BANK1: variants seen among roughly 807,000 people sequenced by gnomAD.
The protein encoded by BANK1 is B-cell scaffold protein with ankyrin repeats.
A neutral mutation model predicts 94.5 loss-of-function variants in BANK1; 95 were observed. The observed-to-expected ratio is 1.00, with a 90% CI of 0.85 to 1.19. The LOEUF (loss-of-function observed/expected upper bound fraction) is 1.19, where lower values mean the gene tolerates loss of function less well. BANK1 is among the 50% of genes most tolerant of loss of function. The pLI is 0.00. For synonymous variants in BANK1, 334 were observed against 308.4 expected, an observed-to-expected ratio of 1.08 and a Z score of -0.87; for missense variants, 987 against 932.2, an observed-to-expected ratio of 1.06 and a Z score of -0.77.
intron 1 of BANK1, among the ~76,000 whole-genome samples, chr4:101,810,006 G>A (rs969503133): frequency 2.0e-5 from 3 of 152,140 alleles, no homozygotes; most frequent in African/African-American, 7.2e-5. Flanking sequence ...GGATTGTCCA[G>A]TTGGGCCCAA....
chr4:101,836,118 T>C (rs1265337736), intron 2 of BANK1, among the ~76,000 whole-genome samples: 2 of 152,178 alleles, frequency 1.3e-5, no homozygotes, highest in Non-Finnish European at 2.9e-5. Flanking sequence ...CATTCTATAT[T>C]CTCCGTAACT....
intron 1 of BANK1, among the ~76,000 whole-genome samples, chr4:101,798,021 A>AAGAT (rs1406836029): frequency 1.3e-5 from 2 of 152,214 alleles, no homozygotes; most frequent in Non-Finnish European, 2.9e-5. Flanking sequence ...AAGGAAAACG[A>AAGAT]AGATACAGTG....
chr4:101,825,002 G>A (rs2148861251), intron 1 of BANK1, among the ~76,000 whole-genome samples: 1 of 152,026 alleles, frequency 6.6e-6, no homozygotes, highest in Middle Eastern at 3.4e-3. Flanking sequence ...GACAAATAAG[G>A]CATTATTGAA....
At chr4:101,905,655 A>G (rs920745993) in intron 6 of BANK1, among the ~76,000 whole-genome samples, 1 of 152,124 alleles carries the variant, frequency 6.6e-6, no homozygotes, top group Non-Finnish European at 1.5e-5. Context: ...ATCCACCCTC[A>G]GTCCTGCCAT....
At chr4:101,961,743 C>T (rs190338896) in intron 7 of BANK1, among the ~76,000 whole-genome samples, 2 of 152,182 alleles carry the variant, frequency 1.3e-5, no homozygotes, top group African/African-American at 2.4e-5. Flanking sequence ...ATGTTCTTTA[C>T]TAAAGAGAGA....
intron 2 of BANK1, among the ~76,000 whole-genome samples, chr4:101,841,510 G>T (rs573351487): frequency 6.6e-6 from 1 of 151,874 alleles, no homozygotes; most frequent in Admixed American, 6.6e-5. Flanking sequence ...ACTATTCCAT[G>T]GGAAATGAAA....
chr4:101,895,340 C>T lies in BANK1; in HGVS notation c.939C>T (p.Ser313=), dbSNP rs758207921. The change falls in exon 6 of 17, where the codon TCC becomes TCT. Residue 313 remains serine, a synonymous_variant. Transcript: ENST00000322953. ...SIEELDGVLT[S]IFKHEIPYYE... ...AAGAACTTGATGGTGTCCTTACATC[C>T]ATATTCAAACATGAGATACCATATT... The T allele has an allele frequency of 6.3e-6, 10 of 1,593,504 alleles. No homozygotes were observed. In the South Asian group the frequency reaches 6.8e-5, roughly 11 times the overall value.
chr4:101,931,175 C>T (rs1255565251), intron 7 of BANK1, among the ~76,000 whole-genome samples: 1 of 151,460 alleles, frequency 6.6e-6, no homozygotes, highest in Non-Finnish European at 1.5e-5. Context: ...ATTTTAGGTA[C>T]CTACTTTCCT....
In BANK1 at chr4:102,054,212, G is replaced by A. The variant is rs116383859; in HGVS notation, c.1970-5999G>A. On this transcript the variant is annotated intron_variant, in intron 11 of 16. Coordinates refer to ENST00000322953, the MANE Select transcript of BANK1 (RefSeq NM_017935.5). Reference sequence around the variant, plus strand: ...AACCAAGGACACAGAGCTAAGAAATGGTAGAGGTGAAATTTGAACTCAATT... The same window carrying A: ...AACCAAGGACACAGAGCTAAGAAATAGTAGAGGTGAAATTTGAACTCAATT... 4.0e-3 allele frequency among the ~76,000 whole-genome samples: 616 copies of A among 152,164 alleles called. 3 individuals are homozygous for A. Among genetic ancestry groups the A allele is most frequent in the African/African-American group, 0.014 (573 of 41,546 alleles).
chr4:102,043,753 T>G, intron 10 of BANK1, 86 bp from the exon 11 acceptor site: 3 of 734,544 alleles, frequency 4.1e-6, no homozygotes, highest in Non-Finnish European at 6.8e-6. Context: ...AATGATATAT[T>G]GCATTCTGGC....
chr4:101,904,402 T>G (rs1722378784), intron 6 of BANK1, among the ~76,000 whole-genome samples: 1 of 152,248 alleles, frequency 6.6e-6, no homozygotes. Flanking sequence ...GTTCAGTAAC[T>G]AATTTCTCTA....
intron 6 of BANK1, among the ~76,000 whole-genome samples, chr4:101,914,788 T>A (rs1722776973): frequency 6.6e-6 from 1 of 152,308 alleles, no homozygotes; most frequent in African/African-American, 2.4e-5. Context: ...CCATAAGGCA[T>A]GCCACTGCTT....
intron 2 of BANK1, among the ~76,000 whole-genome samples, chr4:101,854,636 G>A (rs1462735959): frequency 6.6e-6 from 1 of 151,356 alleles, no homozygotes; most frequent in African/African-American, 2.4e-5. Context: ...AATATGTAAG[G>A]GGCAAATAAC....
chr4:101,960,647 C>T (rs1724534032), intron 7 of BANK1, among the ~76,000 whole-genome samples: 1 of 152,158 alleles, frequency 6.6e-6, no homozygotes, highest in Non-Finnish European at 1.5e-5. Context: ...TTAGTGGCAT[C>T]TGTCTTCCTC....
chr4:101,921,625 C>T (rs1284789293), intron 7 of BANK1, among the ~76,000 whole-genome samples: 1 of 151,904 alleles, frequency 6.6e-6, no homozygotes, highest in Non-Finnish European at 1.5e-5. Context: ...AAAATGATTA[C>T]ATCAATGTGT....
intron 11 of BANK1, among the ~76,000 whole-genome samples, chr4:102,047,749 A>T (rs568240096): frequency 6.6e-6 from 1 of 152,240 alleles, no homozygotes; most frequent in East Asian, 1.9e-4. Context: ...AAGAGAAATG[A>T]CGAGTATCAA....
At chr4:101,860,685 C>T (rs1319348821) in intron 3 of BANK1, among the ~76,000 whole-genome samples, 1 of 152,158 alleles carries the variant, frequency 6.6e-6, no homozygotes, top group Admixed American at 6.5e-5. Context: ...CCTGCCTCGG[C>T]CGCCCAAAGT....
At chr4:101,864,547 C>A (rs1351666542) in intron 4 of BANK1, among the ~76,000 whole-genome samples, 1 of 152,140 alleles carries the variant, frequency 6.6e-6, no homozygotes, top group Non-Finnish European at 1.5e-5. Context: ...CATTAGAGAA[C>A]TAAAGTTGCA....
intron 16 of BANK1, 119 bp downstream of exon 16, chr4:102,073,867 G>A (rs952806366): frequency 4.2e-6 from 3 of 721,848 alleles, no homozygotes; most frequent in Non-Finnish European, 4.5e-6. Context: ...TCTCCTGAAA[G>A]GATTAACATG....
Sources: allele counts gnomAD v4.1 joint callset (sites outside exome capture counted in the v4.1 genomes callset), GRCh38; gene constraint gnomAD v4.1.1; transcripts MANE v1.5; gene names NCBI Gene and HGNC (gene_info 2026-07-23, HGNC 2026-07-21).